The following YEATS2 variants were observed in gnomAD, a reference collection of about 807,000 sequenced individuals.
YEATS2 encodes the protein YEATS domain containing 2.
A neutral mutation model predicts 163.2 loss-of-function variants in YEATS2; 77 were observed. That is an observed-to-expected ratio of 0.47 (90% CI 0.39 to 0.57). The LOEUF is 0.57. YEATS2 is among the 20% of genes least tolerant of loss of function. YEATS2 has a pLI of 0.00. For missense variants in YEATS2, 1,549 were observed against 1,729.8 expected, an observed-to-expected ratio of 0.90 and a Z score of 1.85; for synonymous variants, 631 against 645.1, an observed-to-expected ratio of 0.98 and a Z score of 0.33.
chr3:183,802,365 G>T (rs1488912146), intron 25 of YEATS2: 1 of 152,886 alleles, frequency 6.5e-6, no homozygotes, highest in African/African-American at 2.4e-5. Context: ...TAATAGCAAA[G>T]CAGTAATCTC....
Position 183,804,185 on chromosome 3 carries a change from C to T in YEATS2, c.3781C>T (p.Pro1261Ser), listed in dbSNP as rs777785488. The change falls in exon 27 of 31, where the codon CCC (proline) becomes TCC (serine). Residue 1261 changes from proline (P) to serine (S), a missense_variant. Coordinates refer to ENST00000305135, the MANE Select transcript of YEATS2 (RefSeq NM_018023.5). Reference protein sequence around the residue: ...EDVLTQIDSEPECPSSFSSAD... With the variant: ...EDVLTQIDSESECPSSFSSAD... ...CGTGCTGACCCAGATCGACAGCGAGCCCGGTAAGCCTTCAGTGGCACTGCC... is the reference window on the plus strand; with the variant it reads ...CGTGCTGACCCAGATCGACAGCGAGTCCGGTAAGCCTTCAGTGGCACTGCC... The T allele has an allele frequency of 5.9e-5, 95 of 1,613,928 alleles. No individual in the cohort carries two copies. Among genetic ancestry groups the T allele is most frequent in the Non-Finnish European group, 7.6e-5 (90 of 1,180,022 alleles).
At chr3:183,725,553 A>C (rs1284238093) in intron 6 of YEATS2, among the ~76,000 whole-genome samples, 1 of 152,234 alleles carries the variant, frequency 6.6e-6, no homozygotes, top group Non-Finnish European at 1.5e-5. Flanking sequence ...GCCATGTCTT[A>C]AGTGGAGGCA....
At chr3:183,806,366 C>T (rs1164086390) in intron 27 of YEATS2, 1 of 456,328 alleles carries the variant, frequency 2.2e-6, no homozygotes, top group Non-Finnish European at 4.4e-6. Flanking sequence ...GCACTAGTGC[C>T]CTAGATCTGG....
At chr3:183,728,215 G>A (rs1717327737) in intron 6 of YEATS2, among the ~76,000 whole-genome samples, 1 of 152,102 alleles carries the variant, frequency 6.6e-6, no homozygotes, top group Non-Finnish European at 1.5e-5. Flanking sequence ...CTACAGGTGT[G>A]GGCCACCATG....
Position 183,756,710 on chromosome 3 carries a change from T to C in YEATS2, c.1552+21T>C, listed in dbSNP as rs760236375. 4.8e-6 allele frequency: 7 copies of C among 1,449,446 alleles called. No homozygotes were observed. In the South Asian group the frequency reaches 9.8e-5, roughly 20 times the overall value. 89.8% of individuals were successfully genotyped at this position (1,449,446 alleles called of 1,614,324 possible). A position where few individuals can be genotyped will look rare whatever the true frequency, so the allele number is the denominator to read the frequency against. On this transcript the variant is annotated intron_variant, in intron 12 of 30. Coordinates refer to ENST00000305135, the MANE Select transcript of YEATS2 (RefSeq NM_018023.5). ...TACAGGTGTGTATTAGATCCATATT[T>C]GTACCATCTAAAGGGTTTGATCTTT...
intron 19 of YEATS2, among the ~76,000 whole-genome samples, chr3:183,778,708 C>T (rs1236932823): frequency 6.6e-6 from 1 of 152,082 alleles, no homozygotes; most frequent in Admixed American, 6.6e-5. Context: ...TAATTTCTGT[C>T]TGGTTTGGTA....
chr3:183,785,151 A>G (rs1254875064), intron 19 of YEATS2, among the ~76,000 whole-genome samples: 1 of 151,646 alleles, frequency 6.6e-6, no homozygotes, highest in African/African-American at 2.4e-5. Flanking sequence ...GGGCAACATA[A>G]TGGTGACCCT....
intron 21 of YEATS2, among the ~76,000 whole-genome samples, chr3:183,795,171 CAAAAA>C (rs11370496): frequency 5.6e-5 from 7 of 123,894 alleles, no homozygotes; most frequent in Non-Finnish European, 1.0e-4. Context: ...GACACTGTCT[CAAAAA>C]AAAAAAAAGA....
intron 19 of YEATS2, among the ~76,000 whole-genome samples, chr3:183,781,287 G>A (rs532748377): frequency 6.6e-6 from 1 of 152,238 alleles, no homozygotes; most frequent in Admixed American, 6.5e-5. Flanking sequence ...GGGCACACTG[G>A]CATTAAGTCC....
In YEATS2 at chr3:183,702,575, G is replaced by A. The variant is rs574121912; in HGVS notation, c.-20+4582G>A. ...AAAGTGGCCGGGTGCTGTAGCTCAC[G>A]CCTATAATCTCAGCACTTTGGGAGG... On this transcript the variant is annotated intron_variant, in intron 1 of 30. Coordinates refer to ENST00000305135, the MANE Select transcript of YEATS2 (RefSeq NM_018023.5). Among the ~76,000 whole-genome samples, 6 of 151,764 alleles carry A rather than the reference G, an allele frequency of 4.0e-5. No individual in the cohort carries two copies. The South Asian group carries it at 1.3e-3, about 32-fold the overall frequency.
chr3:183,715,565 G>A (rs79856068), intron 2 of YEATS2, among the ~76,000 whole-genome samples: 3,732 of 152,214 alleles, frequency 0.025, 151 homozygotes, highest in African/African-American at 0.085. Flanking sequence ...TGCTATAATC[G>A]TGAGATGGTC....
intron 8 of YEATS2, among the ~76,000 whole-genome samples, chr3:183,742,896 AG>A (rs1365696763): frequency 2.0e-5 from 3 of 152,236 alleles, no homozygotes; most frequent in African/African-American, 7.2e-5. Flanking sequence ...ATCAGCATCA[AG>A]GCAAGACCCT....
At chr3:183,723,786 C>G (rs923216170) in intron 5 of YEATS2, among the ~76,000 whole-genome samples, 6 of 151,252 alleles carry the variant, frequency 4.0e-5, no homozygotes, top group African/African-American at 1.5e-4. Context: ...GTGGCGGGTA[C>G]CTGTAATCCC....
At chr3:183,779,784 G>T (rs911447477) in intron 19 of YEATS2, among the ~76,000 whole-genome samples, 1 of 151,856 alleles carries the variant, frequency 6.6e-6, no homozygotes, top group East Asian at 1.9e-4. Context: ...TGCAGCCTCC[G>T]CCTCCTGGGT....
intron 16 of YEATS2, 114 bp downstream of exon 16, chr3:183,772,677 G>T (rs193198170): frequency 5.4e-6 from 7 of 1,307,408 alleles, no homozygotes; most frequent in Non-Finnish European, 7.3e-6. Flanking sequence ...TTAGGTTGAT[G>T]CTGTAAGAAG....
At chr3:183,755,934 C>CAGGGTTT (rs1467825961) in intron 11 of YEATS2, among the ~76,000 whole-genome samples, 2 of 151,702 alleles carry the variant, frequency 1.3e-5, no homozygotes, top group Non-Finnish European at 2.9e-5. Flanking sequence ...TTAGTAGAGA[C>CAGGGTTT]AGGGTTTCTC....
At chr3:183,792,802 C>T (rs1724786569) in intron 21 of YEATS2, among the ~76,000 whole-genome samples, 1 of 152,148 alleles carries the variant, frequency 6.6e-6, no homozygotes, top group Admixed American at 6.5e-5. Context: ...AGCCACCATG[C>T]CCAGCCAGAG....
chr3:183,726,900 C>T (rs1331757223), intron 6 of YEATS2, among the ~76,000 whole-genome samples: 2 of 152,164 alleles, frequency 1.3e-5, no homozygotes, highest in African/African-American at 2.4e-5. Context: ...CTCCAGGGTT[C>T]AAGCGATTCT....
intron 20 of YEATS2, 114 bp downstream of exon 20, chr3:183,786,415 T>A: frequency 1.4e-6 from 1 of 737,828 alleles, no homozygotes; most frequent in Non-Finnish European, 1.8e-6. Flanking sequence ...CAACTATTGC[T>A]TTTTTTTTTA....
Sources: allele counts gnomAD v4.1 joint callset (sites outside exome capture counted in the v4.1 genomes callset), GRCh38; gene constraint gnomAD v4.1.1; transcripts MANE v1.5; gene names NCBI Gene and HGNC (gene_info 2026-07-23, HGNC 2026-07-21).